Variants in PPP3CC observed in about 807,000 individuals in gnomAD.
PPP3CC encodes the protein serine/threonine-protein phosphatase 2B catalytic subunit gamma isoform.
PPP3CC carries 35 observed loss-of-function variants against 60.3 expected under a neutral mutation model. The observed-to-expected ratio is 0.58, with a 90% CI of 0.44 to 0.77. The LOEUF is 0.77. PPP3CC is among the 30% of genes least tolerant of loss of function. The pLI is 0.00. For missense variants in PPP3CC, 570 were observed against 628.9 expected, an observed-to-expected ratio of 0.91 and a Z score of 1.00; for synonymous variants, 206 against 224.3, an observed-to-expected ratio of 0.92 and a Z score of 0.73.
chr8:22,447,522 T>A (rs1425577642), intron 1 of PPP3CC, among the ~76,000 whole-genome samples: 1 of 151,982 alleles, frequency 6.6e-6, no homozygotes, highest in Admixed American at 6.6e-5. Flanking sequence ...TTCGCCCTGT[T>A]GTTGAGGCTG....
intron 3 of PPP3CC, among the ~76,000 whole-genome samples, chr8:22,495,296 AT>A (rs778900947): frequency 3.3e-4 from 50 of 152,162 alleles, no homozygotes; most frequent in Non-Finnish European, 6.2e-4. Context: ...ATCACTCTAA[AT>A]CAGTTTATAG....
At chr8:22,446,514 T>C (rs904084417) in intron 1 of PPP3CC, among the ~76,000 whole-genome samples, 1 of 152,194 alleles carries the variant, frequency 6.6e-6, no homozygotes, top group African/African-American at 2.4e-5. Context: ...TCTATTAAGG[T>C]AACATTTTTG....
chr8:22,527,241 AATTTTCCATCTG>A, intron 8 of PPP3CC, 139 bp from the exon 9 acceptor site: 1 of 803,946 alleles, frequency 1.2e-6, no homozygotes, highest in Non-Finnish European at 1.9e-6. Flanking sequence ...AAGGCTTTAA[AATTTTCCATCTG>A]CCCTTTACCT....
chr8:22,532,860 C>CT, intron 11 of PPP3CC, 61 bp from the exon 12 acceptor site: 1 of 1,184,012 alleles, frequency 8.4e-7, no homozygotes, highest in Non-Finnish European at 1.2e-6. Flanking sequence ...CCTTCAATAT[C>CT]TTTAAGTTGC....
intron 8 of PPP3CC, chr8:22,523,770 C>T: frequency 2.5e-6 from 1 of 402,536 alleles, no homozygotes; most frequent in Non-Finnish European, 5.0e-6. Flanking sequence ...AGTGATCAAG[C>T]TAGATGATAC....
intron 6 of PPP3CC, among the ~76,000 whole-genome samples, chr8:22,513,936 T>C (rs968908533): frequency 1.3e-5 from 2 of 152,214 alleles, no homozygotes; most frequent in African/African-American, 4.8e-5. Context: ...GCTTTCATTA[T>C]GATTAGACAC....
At chr8:22,489,323 G>A (rs1468436303) in intron 3 of PPP3CC, among the ~76,000 whole-genome samples, 5 of 151,850 alleles carry the variant, frequency 3.3e-5, no homozygotes, top group Admixed American at 3.3e-4. Flanking sequence ...ATCAGTCTTT[G>A]CAAAGTCCCT....
intron 3 of PPP3CC, among the ~76,000 whole-genome samples, chr8:22,487,551 G>A (rs1361513377): frequency 6.6e-6 from 1 of 152,094 alleles, no homozygotes; most frequent in African/African-American, 2.4e-5. Context: ...TGTGAACCCT[G>A]GTGGCAGAGG....
chr8:22,529,431 T>C (rs530020493), intron 10 of PPP3CC, among the ~76,000 whole-genome samples: 6 of 152,316 alleles, frequency 3.9e-5, no homozygotes, highest in African/African-American at 1.4e-4. Context: ...TGGACAATTT[T>C]TTCTTGTGTT....
intron 12 of PPP3CC, among the ~76,000 whole-genome samples, chr8:22,533,926 C>T (rs773134419): frequency 9.2e-5 from 14 of 152,130 alleles, no homozygotes; most frequent in Non-Finnish European, 2.1e-4. Flanking sequence ...GGGCCGGGAG[C>T]GGTGGCTCAC....
chr8:22,500,937 T>G (rs1234029611), intron 4 of PPP3CC, among the ~76,000 whole-genome samples: 1 of 152,166 alleles, frequency 6.6e-6, no homozygotes, highest in Non-Finnish European at 1.5e-5. Context: ...GTGGATCACT[T>G]GAGCCCAAGA....
chr8:22,460,644 A>G (rs910740953), intron 1 of PPP3CC, among the ~76,000 whole-genome samples: 3 of 152,010 alleles, frequency 2.0e-5, no homozygotes, highest in Non-Finnish European at 4.4e-5. Context: ...ACATGATGAC[A>G]CCTGTCTCTA....
chr8:22,494,438 A>G (rs1356758523), intron 3 of PPP3CC, among the ~76,000 whole-genome samples: 1 of 152,150 alleles, frequency 6.6e-6, no homozygotes, highest in Non-Finnish European at 1.5e-5. Flanking sequence ...GGTAGCTACA[A>G]TTCAAGTTGA....
At chr8:22,464,008 G>A (rs200861210) in intron 1 of PPP3CC, among the ~76,000 whole-genome samples, 1 of 151,958 alleles carries the variant, frequency 6.6e-6, no homozygotes, top group Non-Finnish European at 1.5e-5. Flanking sequence ...GGCTGGTCTC[G>A]AACTCCTGAC....
At chr8:22,464,160 GT>G (rs139331173) in intron 1 of PPP3CC, among the ~76,000 whole-genome samples, 1,812 of 150,904 alleles carry the variant, frequency 0.012, 35 homozygotes, top group African/African-American at 0.041. Context: ...GATTTGTGAG[GT>G]TTTTTTTTCC....
chr8:22,481,008 G>C (rs78656634), intron 3 of PPP3CC, among the ~76,000 whole-genome samples: 2,947 of 152,290 alleles, frequency 0.019, 58 homozygotes, highest in East Asian at 0.084. Flanking sequence ...CAGAACATCT[G>C]ATCAAAACAG....
intron 8 of PPP3CC, among the ~76,000 whole-genome samples, chr8:22,525,491 C>CTCCTTTCTTTCTTTCTTTCT (rs1839520629): frequency 7.8e-6 from 1 of 128,550 alleles, no homozygotes; most frequent in Non-Finnish European, 1.6e-5. Flanking sequence ...GCTTCCTTTT[C>CTCCTTTCTTTCTTTCTTTCT]TTCTTTCTTT....
At position 22,459,332 on chromosome 8, in the gene PPP3CC, A is replaced by C. The variant is rs2132443869; in HGVS notation, c.50-15622A>C. On this transcript the variant is annotated intron_variant, in intron 1 of 13. Coordinates refer to ENST00000240139, the MANE Select transcript of PPP3CC (RefSeq NM_005605.5). ...TTCTTTAGTGCAATCCATGTGTGAA[A>C]TATGTGTTATAATTTGTAACTAACA... Among the ~76,000 whole-genome samples, 3 of 152,330 alleles carry C rather than the reference A, an allele frequency of 2.0e-5. 1 individual carries two copies. The highest frequency in any genetic ancestry group is 6.8e-3 in the Middle Eastern group (2 of 294).
At chr8:22,451,635 C>T (rs1487971757) in intron 1 of PPP3CC, among the ~76,000 whole-genome samples, 1 of 152,208 alleles carries the variant, frequency 6.6e-6, no homozygotes, top group Non-Finnish European at 1.5e-5. Flanking sequence ...ACCCTCCCAG[C>T]CCCCTTCGGT....
Sources: allele counts gnomAD v4.1 joint callset (sites outside exome capture counted in the v4.1 genomes callset), GRCh38; gene constraint gnomAD v4.1.1; transcripts MANE v1.5; gene names NCBI Gene and HGNC (gene_info 2026-07-23, HGNC 2026-07-21).